RAB11FIP1: variants seen among roughly 807,000 people sequenced by gnomAD.
The protein encoded by RAB11FIP1 is RAB11 family interacting protein 1, also known as rab11 family-interacting protein 1.
A neutral mutation model predicts 83.1 loss-of-function variants in RAB11FIP1; 49 were observed. The ratio of observed to expected loss-of-function variants is 0.59; its 90% CI spans 0.47 to 0.75. RAB11FIP1 has a LOEUF of 0.75. Among genes scored for constraint, RAB11FIP1 ranks in the 30% least tolerant of loss-of-function variants. RAB11FIP1 has a pLI of 0.00. For synonymous variants in RAB11FIP1, 670 were observed against 656.0 expected (o/e 1.02, Z -0.33); for missense variants, 1,536 against 1,598.7 (o/e 0.96, Z 0.67).
intron 3 of RAB11FIP1, chr8:37,873,424 G>A: frequency 2.4e-6 from 1 of 410,140 alleles, no homozygotes; most frequent in Non-Finnish European, 4.4e-6. Flanking sequence ...AGCCAACATG[G>A]TGAAACCTCA....
chr8:37,895,844 T>C (rs971013633), intron 1 of RAB11FIP1, among the ~76,000 whole-genome samples: 2 of 152,104 alleles, frequency 1.3e-5, no homozygotes, highest in Non-Finnish European at 2.9e-5. Context: ...GCAACTCTTC[T>C]TTGCTAGAGA....
rs201609688 is a variant in RAB11FIP1, at chr8:37,877,322, C to T, written c.601G>A (p.Asp201Asn). The change falls in exon 2 of 6, where the codon GAC becomes AAC. Residue 201 changes from aspartate to asparagine, a missense_variant. Coordinates refer to ENST00000330843, the MANE Select transcript of RAB11FIP1 (RefSeq NM_001002814.3). ...TTAACCACAGACTCATCATCACTGT[C>T]GACCGAAGGTGTCGTGCTAGGGATG... ...AIIPSTTPSVDSDDESVVKDK... is the reference protein window; with the variant it reads ...AIIPSTTPSVNSDDESVVKDK... 122 of 1,614,178 alleles carry T rather than the reference C, an allele frequency of 7.6e-5. No homozygotes were observed. The East Asian group carries it at 1.3e-3, about 17-fold the overall frequency.
At position 37,862,629 on chromosome 8, in the gene RAB11FIP1, C is replaced by T. The variant is rs964661157; in HGVS notation, c.*266G>A. 1.4e-5 allele frequency: 5 copies of T among 358,022 alleles called. No homozygotes were observed. The highest frequency in any genetic ancestry group is 1.0e-4 in the African/African-American group (5 of 48,808). The allele number at this position is 358,022 out of a possible 1,614,324, so 22.2% of individuals were successfully genotyped here. On this transcript the variant is annotated 3_prime_UTR_variant, in exon 6 of 6. Coordinates refer to ENST00000330843, the MANE Select transcript of RAB11FIP1 (RefSeq NM_001002814.3). The stretch of plus-strand genomic sequence containing the variant: ...TCTGGCTCAGGATCAGATCTTATGA[C>T]CACATCTCTGGTGGGCATAAAATAT...
In RAB11FIP1 at chr8:37,895,218, AATATATATATATATATATAT is replaced by A. The variant is rs1157101966; in HGVS notation, c.371+3833_371+3852del. On this transcript the variant is annotated intron_variant, in intron 1 of 5. Coordinates refer to ENST00000330843, the MANE Select transcript of RAB11FIP1 (RefSeq NM_001002814.3). Reference sequence around the variant, plus strand: ...ATAGCTGGGACTACAGGTGCCTGCCAATATATATATATATATATATATATATATATATATATATATATTTT... The same window carrying A: ...ATAGCTGGGACTACAGGTGCCTGCCAATATATATATATATATATATATTTT... Among the ~76,000 whole-genome samples the A allele has an allele frequency of 9.8e-3, 134 of 13,706 alleles. 3 individuals carry two copies. Among genetic ancestry groups the A allele is most frequent in the South Asian group, 0.045 (13 of 288 alleles). The allele number at this position is 13,706 out of a possible 152,430, so 9.0% of individuals were successfully genotyped here. A position where few individuals can be genotyped will look rare whatever the true frequency, so the allele number is the denominator to read the frequency against.
At chr8:37,882,520 T>G (rs924615582) in intron 1 of RAB11FIP1, among the ~76,000 whole-genome samples, 1 of 152,238 alleles carries the variant, frequency 6.6e-6, no homozygotes, top group Non-Finnish European at 1.5e-5. Flanking sequence ...AATGATCTTT[T>G]TATCCTGTGT....
At chr8:37,864,698 C>T (rs1414832267) in intron 5 of RAB11FIP1, among the ~76,000 whole-genome samples, 1 of 152,198 alleles carries the variant, frequency 6.6e-6, no homozygotes. Flanking sequence ...AGAGCGGGTT[C>T]AACCCCACAC....
chr8:37,884,341 G>A (rs1806784361), intron 1 of RAB11FIP1, among the ~76,000 whole-genome samples: 1 of 151,828 alleles, frequency 6.6e-6, no homozygotes, highest in Non-Finnish European at 1.5e-5. Context: ...GGGAATACAG[G>A]CGTGAGCTAC....
Position 37,871,882 on chromosome 8 carries a change from G to T in RAB11FIP1, c.2920C>A (p.Gln974Lys), listed in dbSNP as rs1249645904. The change falls in exon 4 of 6, where the codon CAG becomes AAG. Residue 974 changes from glutamine to lysine, a missense_variant. Gln to Lys is a moderately conservative substitution (Grantham distance 53, BLOSUM62 1). Transcript: ENST00000330843. ...ACCTGATCTCCGTCATCTTCAACCT[G>T]ATCTATTCTTTCATCATCCGATGCG... ...EVASDDERID[Q>K]VEDDGDQVED... is the part of the protein sequence containing the mutation. The T allele has an allele frequency of 6.2e-7, 1 of 1,614,134 alleles. No homozygotes were observed. The highest frequency in any genetic ancestry group is 2.2e-5 in the East Asian group (1 of 44,878).
At chr8:37,870,924 G>C in intron 4 of RAB11FIP1, 1 of 294,752 alleles carries the variant, frequency 3.4e-6, no homozygotes, top group Non-Finnish European at 6.3e-6. Context: ...GCTTCACGTT[G>C]GGGAGTGCTT....
chr8:37,878,656 A>G (rs2130165204), intron 1 of RAB11FIP1, among the ~76,000 whole-genome samples: 1 of 150,764 alleles, frequency 6.6e-6, no homozygotes, highest in East Asian at 2.0e-4. Flanking sequence ...GGTCCCTGCC[A>G]GGGAGTAAAA....
At chr8:37,895,242 T>TATATATAC (rs1807047995) in intron 1 of RAB11FIP1, among the ~76,000 whole-genome samples, 1 of 10,856 alleles carries the variant, frequency 9.2e-5, no homozygotes, top group South Asian at 2.8e-3. Context: ...TATATATATA[T>TATATATAC]ATATATATAT....
At position 37,861,447 on chromosome 8, in the gene RAB11FIP1, G is replaced by A; in HGVS notation, c.*1448C>T. 2.7e-6 allele frequency: 1 copy of A among 372,538 alleles called. No individual in the cohort carries two copies. Among genetic ancestry groups the A allele is most frequent in the Non-Finnish European group, 5.2e-6 (1 of 192,850 alleles). The allele number at this position is 372,538 out of a possible 1,614,324, so 23.1% of individuals were successfully genotyped here. On this transcript the variant is annotated 3_prime_UTR_variant, in exon 6 of 6. Transcript: ENST00000330843. ...AATAATTTGGGTTTCCTTTTGGGCA[G>A]GGAGAGAAAGTGTTCAAAGGACAGA...
chr8:37,885,383 C>A (rs997426322), intron 1 of RAB11FIP1, among the ~76,000 whole-genome samples: 1 of 152,136 alleles, frequency 6.6e-6, no homozygotes, highest in African/African-American at 2.4e-5. Context: ...CATCTTCCCA[C>A]CCCTCCTGAT....
At chr8:37,897,841 C>T (rs1585453478) in intron 1 of RAB11FIP1, among the ~76,000 whole-genome samples, 1 of 152,174 alleles carries the variant, frequency 6.6e-6, no homozygotes, top group Non-Finnish European at 1.5e-5. Flanking sequence ...TCACCAACCC[C>T]CTAGGCAAGT....
At position 37,860,594 on chromosome 8, in the gene RAB11FIP1, G is replaced by C. The variant is rs550350457; in HGVS notation, c.*2301C>G. On this transcript the variant is annotated 3_prime_UTR_variant, in exon 6 of 6. Transcript: ENST00000330843. ...CTGACCTCAATCAAGTGATTCACCC[G>C]CCTCAGCCTCCCAAAGTGCTGGGAT... 1 of 152,492 alleles carries C rather than the reference G, an allele frequency of 6.6e-6. No individual in the cohort carries two copies. Among genetic ancestry groups the C allele is most frequent in the African/African-American group, 2.4e-5 (1 of 41,546 alleles). The allele number at this position is 152,492 out of a possible 1,614,324, so 9.4% of individuals were successfully genotyped here.
intron 5 of RAB11FIP1, among the ~76,000 whole-genome samples, chr8:37,867,993 C>T (rs927291421): frequency 1.3e-5 from 2 of 152,118 alleles, no homozygotes; most frequent in African/African-American, 4.8e-5. Context: ...CATCTGTAGT[C>T]CCCGCTACTT....
intron 4 of RAB11FIP1, chr8:37,870,809 CAGTCTCTTA>C (rs1369870470): frequency 2.8e-6 from 1 of 356,918 alleles, no homozygotes; most frequent in African/African-American, 2.1e-5. Context: ...ACATTAAAGG[CAGTCTCTTA>C]TTTTTTTAAG....
intron 1 of RAB11FIP1, among the ~76,000 whole-genome samples, chr8:37,880,319 G>A (rs1806708718): frequency 6.6e-6 from 1 of 152,034 alleles, no homozygotes; most frequent in Non-Finnish European, 1.5e-5. Context: ...GTTTTTTTGA[G>A]ACAGAGTCTC....
chr8:37,888,845 C>T (rs534432419), intron 1 of RAB11FIP1, among the ~76,000 whole-genome samples: 3 of 146,406 alleles, frequency 2.0e-5, no homozygotes, highest in East Asian at 2.0e-4. Flanking sequence ...TTGCCCAGGC[C>T]GGACTGCAGT....
Sources: allele counts gnomAD v4.1 joint callset (sites outside exome capture counted in the v4.1 genomes callset), GRCh38; gene constraint gnomAD v4.1.1; transcripts MANE v1.5; gene names NCBI Gene and HGNC (gene_info 2026-07-23, HGNC 2026-07-21).